The following TBC1D15 variants were observed in gnomAD, a reference collection of about 807,000 sequenced individuals.
TBC1D15 encodes GAP for RAB7.
Under a neutral mutation model 95.4 loss-of-function variants are expected in TBC1D15, and 39 were observed. That is an observed-to-expected ratio of 0.41 (90% CI 0.32 to 0.53). The LOEUF (loss-of-function observed/expected upper bound fraction) is 0.53, where lower values mean the gene tolerates loss of function less well. Among genes scored for constraint, TBC1D15 ranks in the 20% least tolerant of loss-of-function variants. The pLI is 0.29. For missense variants in TBC1D15, 733 were observed against 794.3 expected, an observed-to-expected ratio of 0.92 and a Z score of 0.93; for synonymous variants, 258 against 261.3, an observed-to-expected ratio of 0.99 and a Z score of 0.12.
chr12:71,921,986 C>T (rs1869539034), intron 16 of TBC1D15, among the ~76,000 whole-genome samples: 1 of 152,120 alleles, frequency 6.6e-6, no homozygotes, highest in African/African-American at 2.4e-5. Context: ...GCTAAGTTGC[C>T]CAAGCTGGCC....
rs59301193 is a variant in TBC1D15 at position 71,907,187 on chromosome 12, T to C, written c.1300+49T>C. The C allele has an allele frequency of 5.3e-3, 6,215 of 1,163,626 alleles. 245 individuals are homozygous for C. The African/African-American group carries it at 0.083, about 15-fold the overall frequency. The allele number at this position is 1,163,626 out of a possible 1,614,324, so 72.1% of individuals were successfully genotyped here. A position where few individuals can be genotyped will look rare whatever the true frequency, so the allele number is the denominator to read the frequency against. ...TTAAAAGATGTAAATATATTTACTT[T>C]AGAGTTTACATTTTTAATCCAGTTA... On this transcript the variant is annotated intron_variant, in intron 11 of 16. Transcript: ENST00000485960.
intron 3 of TBC1D15, among the ~76,000 whole-genome samples, chr12:71,880,044 G>A (rs1025892056): frequency 2.0e-5 from 3 of 152,092 alleles, no homozygotes; most frequent in Admixed American, 6.5e-5. Flanking sequence ...TACAACCATT[G>A]ATGGCTTAAA....
chr12:71,917,825 C>A, intron 13 of TBC1D15, 28 bp downstream of exon 13: 1 of 1,450,350 alleles, frequency 6.9e-7, no homozygotes, highest in Non-Finnish European at 9.7e-7. Context: ...GAACTATACC[C>A]AGCAAATTGT....
In TBC1D15 at chr12:71,842,564, C is replaced by G. The variant is rs138568631; in HGVS notation, c.30+2753C>G. On this transcript the variant is annotated intron_variant, in intron 1 of 16. Coordinates refer to ENST00000485960, the MANE Select transcript of TBC1D15 (RefSeq NM_001146213.3). ...GAAAATGAGGAACCAGGTGCCGTGGCTCAGGCCTGTAATCCCAGCACTTTG... is the reference window on the plus strand; with the variant it reads ...GAAAATGAGGAACCAGGTGCCGTGGGTCAGGCCTGTAATCCCAGCACTTTG... 9.1e-4 allele frequency among the ~76,000 whole-genome samples: 138 copies of G among 152,180 alleles called. 1 individual carries two copies. The East Asian group carries it at 0.02, about 22-fold the overall frequency.
At position 71,893,424 on chromosome 12, in the gene TBC1D15, A is replaced by T. The variant is rs914715909; in HGVS notation, c.657+100A>T. Reference sequence around the variant, plus strand: ...AGAGTATGCAAAATGAGACAGGTACATATATATACATAGATATGTGTGTGT... The same window carrying T: ...AGAGTATGCAAAATGAGACAGGTACTTATATATACATAGATATGTGTGTGT... On this transcript the variant is annotated intron_variant, in intron 6 of 16. Transcript: ENST00000485960. 40 of 594,640 alleles carry T rather than the reference A, an allele frequency of 6.7e-5. No homozygotes were observed. The South Asian group carries it at 6.9e-4, about 10-fold the overall frequency. The allele number at this position is 594,640 out of a possible 1,614,324, so 36.8% of individuals were successfully genotyped here.
At chr12:71,920,652 C>A in intron 14 of TBC1D15, 79 bp from the exon 15 acceptor site, 4 of 1,070,774 alleles carry the variant, frequency 3.7e-6, no homozygotes, top group South Asian at 1.3e-5. Context: ...AGAAGTCATT[C>A]AGTGTTCAGA....
intron 3 of TBC1D15, among the ~76,000 whole-genome samples, 179 bp from the exon 4 acceptor site, chr12:71,880,290 C>CG (rs1894866710): frequency 7.0e-6 from 1 of 142,304 alleles, no homozygotes; most frequent in Non-Finnish European, 1.5e-5. Context: ...AGCTTCTCTT[C>CG]CTTTTTTTTT....
Position 71,842,857 on chromosome 12 carries a change from AAAAG to A in TBC1D15, c.30+3050_30+3053del, listed in dbSNP as rs369630483. 2.4e-3 allele frequency among the ~76,000 whole-genome samples: 367 copies of A among 151,878 alleles called. 1 individual carries two copies. Among genetic ancestry groups the A allele is most frequent in the African/African-American group, 8.4e-3 (347 of 41,436 alleles). On this transcript the variant is annotated intron_variant, in intron 1 of 16. Transcript: ENST00000485960. ...AAAAAAAAAAAAAAAAAAGAAAAGA[AAAAG>A]AAAATGAGGAGGGATTAGAGTGGGA...
At chr12:71,883,927 A>G (rs1256516974) in intron 4 of TBC1D15, among the ~76,000 whole-genome samples, 1 of 152,144 alleles carries the variant, frequency 6.6e-6, no homozygotes, top group East Asian at 1.9e-4. Flanking sequence ...GTTGCTTGTT[A>G]TCAATTACGA....
At chr12:71,893,964 C>CTT (rs60374163) in intron 6 of TBC1D15, among the ~76,000 whole-genome samples, 13,118 of 151,756 alleles carry the variant, frequency 0.086, 641 homozygotes, top group South Asian at 0.15. Flanking sequence ...ATAGAGGGAA[C>CTT]TTTAGGAAAG....
intron 1 of TBC1D15, among the ~76,000 whole-genome samples, chr12:71,870,569 A>G (rs1435491570): frequency 6.6e-6 from 1 of 152,212 alleles, no homozygotes; most frequent in Non-Finnish European, 1.5e-5. Flanking sequence ...AACACATCCG[A>G]GAGAGGCAGT....
intron 1 of TBC1D15, among the ~76,000 whole-genome samples, chr12:71,866,294 G>A (rs1891483180): frequency 6.6e-6 from 1 of 152,230 alleles, no homozygotes; most frequent in South Asian, 2.1e-4. Context: ...CACAAGGACA[G>A]ATGCGGTATC....
chr12:71,899,295 GT>G (rs1342989649), intron 10 of TBC1D15, among the ~76,000 whole-genome samples: 2 of 152,148 alleles, frequency 1.3e-5, no homozygotes, highest in East Asian at 1.9e-4. Flanking sequence ...GAGACATACT[GT>G]AGCCTACTTT....
At chr12:71,894,476 T>G (rs1422697319) in intron 6 of TBC1D15, 2 of 1,328,742 alleles carry the variant, frequency 1.5e-6, no homozygotes, top group Non-Finnish European at 2.1e-6. Context: ...TGTCATTTAT[T>G]ATGCTATTTT....
At chr12:71,885,192 G>T (rs923733992) in intron 5 of TBC1D15, among the ~76,000 whole-genome samples, 171 bp downstream of exon 5, 9 of 152,214 alleles carry the variant, frequency 5.9e-5, no homozygotes, top group Non-Finnish European at 1.0e-4. Context: ...GAATAATATT[G>T]TGTTATTTTA....
At chr12:71,897,282 T>A (rs867510347) in intron 9 of TBC1D15, 1 of 154,040 alleles carries the variant, frequency 6.5e-6, no homozygotes, top group Non-Finnish European at 1.4e-5. Context: ...AGACCAACTT[T>A]CCAGGTACAA....
Position 71,905,196 on chromosome 12 carries a change from T to A in TBC1D15, c.1184-1826T>A, listed in dbSNP as rs1293872805. Among the ~76,000 whole-genome samples, 141 of 152,334 alleles carry A rather than the reference T, an allele frequency of 9.3e-4. 1 individual carries two copies. Among genetic ancestry groups the A allele is most frequent in the South Asian group, 3.5e-3 (17 of 4,826 alleles). ...AGTTCATGAGAATACAAACAACTTT[T>A]TTTTACTATGTTTAAAATACGTATT... On this transcript the variant is annotated intron_variant, in intron 10 of 16. Transcript: ENST00000485960.
chr12:71,871,529 A>C (rs987655355), intron 1 of TBC1D15, among the ~76,000 whole-genome samples: 2 of 152,144 alleles, frequency 1.3e-5, no homozygotes, highest in Non-Finnish European at 2.9e-5. Context: ...TTTCAAGTGC[A>C]TTTTCAATTC....
chr12:71,881,163 G>A (rs1895050927), intron 4 of TBC1D15, among the ~76,000 whole-genome samples: 1 of 152,180 alleles, frequency 6.6e-6, no homozygotes, highest in Non-Finnish European at 1.5e-5. Flanking sequence ...AAAATTTCCT[G>A]TCACGTAGCG....
Sources: gnomAD v4.1 joint callset for allele counts (sites outside exome capture counted in the v4.1 genomes callset) on GRCh38, gnomAD v4.1.1 for gene constraint, MANE v1.5 for transcripts, NCBI Gene and HGNC (gene_info 2026-07-23, HGNC 2026-07-21) for gene names.